The following CAPN3 variants were observed in gnomAD, a reference collection of about 807,000 sequenced individuals.
CAPN3 encodes calpain-3.
Under a neutral mutation model 114.0 loss-of-function variants are expected in CAPN3, and 88 were observed. That is an observed-to-expected ratio of 0.77 (90% CI 0.65 to 0.92). CAPN3 has a LOEUF of 0.92. Among genes scored for constraint, CAPN3 ranks in the 40% least tolerant of loss-of-function variants. CAPN3 has a pLI of 0.00. For missense variants in CAPN3, 1,028 were observed against 1,069.0 expected (o/e 0.96, Z 0.53); for synonymous variants, 386 against 382.9 (o/e 1.01, Z -0.09).
chr15:42,386,265 G>T lies in CAPN3; in HGVS notation c.478G>T (p.Ala160Ser), dbSNP rs749697583. The T allele has an allele frequency of 2.5e-6, 4 of 1,612,540 alleles. No homozygotes were observed. The highest frequency in any genetic ancestry group is 1.1e-5 in the South Asian group (1 of 91,024). ...TGATCAAAGTTTCATCGAAAACTAC[G>T]CAGGGATCTTCCACTTCCAGGTGAG... The part of the protein sequence containing the change: ...PHDQSFIENY[A>S]GIFHFQFWRY... The change falls in exon 3 of 24, where the codon GCA (alanine) becomes TCA (serine). Residue 160 changes from alanine to serine, a missense_variant. Physicochemically the swap from Ala to Ser is moderately conservative, Grantham distance 99. Transcript: ENST00000397163.
intron 1 of CAPN3, among the ~76,000 whole-genome samples, chr15:42,378,409 A>G (rs1262095327): frequency 2.0e-5 from 3 of 152,202 alleles, no homozygotes; most frequent in East Asian, 1.9e-4. Flanking sequence ...GCAAACCTCT[A>G]GGCCTTCCAA....
At chr15:42,403,875 G>A in intron 14 of CAPN3, 98 bp downstream of exon 14, 1 of 1,062,514 alleles carries the variant, frequency 9.4e-7, no homozygotes, top group Non-Finnish European at 1.5e-6. Context: ...CACTGGCAGA[G>A]GGAATGGGAG....
chr15:42,370,854 G>A (rs1380804901), intron 1 of CAPN3, among the ~76,000 whole-genome samples: 1 of 152,124 alleles, frequency 6.6e-6, no homozygotes, highest in African/African-American at 2.4e-5. Flanking sequence ...AAGGGTAGGA[G>A]CATAACACAA....
chr15:42,401,831 C>G, intron 11 of CAPN3, 21 bp downstream of exon 11: 3 of 1,606,962 alleles, frequency 1.9e-6, no homozygotes, highest in South Asian at 1.1e-5. Context: ...CTGATTGGCT[C>G]CAGCCCAGGA....
At chr15:42,402,571 G>C in intron 12 of CAPN3, 2 of 1,481,688 alleles carry the variant, frequency 1.3e-6, no homozygotes, top group Non-Finnish European at 1.8e-6. Flanking sequence ...AAGTGTCCCT[G>C]AGTGTGGGGA....
chr15:42,406,274 G>C (rs1447027100), intron 15 of CAPN3, among the ~76,000 whole-genome samples: 3 of 152,054 alleles, frequency 2.0e-5, no homozygotes, highest in African/African-American at 4.8e-5. Flanking sequence ...CACACAGCCA[G>C]AGAGGGGCAG....
At chr15:42,374,983 AAAAATTTATTTATTTATTTATTTATTT>A (rs1462568881) in intron 1 of CAPN3, among the ~76,000 whole-genome samples, 176 of 142,584 alleles carry the variant, frequency 1.2e-3, no homozygotes, top group African/African-American at 4.5e-3. Context: ...TTGTTTAAAT[AAAAATTTATTTATTTATTTATTTATTT>A]ATTTATTTAT....
intron 8 of CAPN3, among the ~76,000 whole-genome samples, chr15:42,396,289 C>A (rs28364464): frequency 6.7e-6 from 1 of 148,356 alleles, no homozygotes; most frequent in Admixed American, 6.7e-5. Context: ...GCCACCCAGG[C>A]TGGAGTGCAA....
intron 9 of CAPN3, among the ~76,000 whole-genome samples, chr15:42,398,749 GT>G (rs2053779661): frequency 7.9e-6 from 1 of 126,324 alleles, no homozygotes; most frequent in Admixed American, 7.8e-5. Context: ...GTTTAGCTAT[GT>G]TTGTCTTACT....
chr15:42,410,091 TG>T, intron 19 of CAPN3, 96 bp downstream of exon 19: 5 of 1,133,398 alleles, frequency 4.4e-6, no homozygotes, highest in Non-Finnish European at 6.7e-6. Context: ...GGCCCTAATT[TG>T]TGCCCAGGGA....
intron 3 of CAPN3, among the ~76,000 whole-genome samples, chr15:42,386,618 C>T (rs1306144031): frequency 6.6e-6 from 1 of 152,154 alleles, no homozygotes; most frequent in Non-Finnish European, 1.5e-5. Flanking sequence ...AGCACTGTGA[C>T]ACCACAGGAC....
At position 42,360,146 on chromosome 15, in the gene CAPN3, T is replaced by C. The variant is rs576780026; in HGVS notation, c.309+32T>C. 2,769 of 1,613,496 alleles carry C rather than the reference T, an allele frequency of 1.7e-3. 37 individuals are homozygous for C. In the African/African-American group the frequency reaches 0.029, roughly 17 times the overall value. Reference sequence around the variant, plus strand: ...AGCTTCCTGCTTGCTGGCTGGGTTTTCCCCCCACGGAGGAGTCCTCTCACT... The same window carrying C: ...AGCTTCCTGCTTGCTGGCTGGGTTTCCCCCCCACGGAGGAGTCCTCTCACT... On this transcript the variant is annotated intron_variant, in intron 1 of 23. Coordinates refer to ENST00000397163, the MANE Select transcript of CAPN3 (RefSeq NM_000070.3).
At position 42,409,504 on chromosome 15, in the gene CAPN3, G is replaced by T. The variant is rs943115642; in HGVS notation, c.1992+124G>T. 6.1e-5 allele frequency: 60 copies of T among 985,058 alleles called. No individual in the cohort carries two copies. The African/African-American group carries it at 9.1e-4, about 15-fold the overall frequency. The allele number at this position is 985,058 out of a possible 1,614,324, so 61.0% of individuals were successfully genotyped here. On this transcript the variant is annotated intron_variant, in intron 17 of 23. Coordinates refer to ENST00000397163, the MANE Select transcript of CAPN3 (RefSeq NM_000070.3). ...ACTTTGGACTTTGGTGGAGCCAGGG[G>T]ATGTGTGCGTAGCACACAAATCCAC...
intron 1 of CAPN3, among the ~76,000 whole-genome samples, chr15:42,377,316 G>A (rs1462498762): frequency 1.3e-5 from 2 of 152,116 alleles, no homozygotes; most frequent in East Asian, 3.8e-4. Context: ...TTTGAAAGTG[G>A]ATGATCGTTA....
At chr15:42,365,155 C>T (rs938954680) in intron 1 of CAPN3, among the ~76,000 whole-genome samples, 1 of 152,158 alleles carries the variant, frequency 6.6e-6, no homozygotes, top group Non-Finnish European at 1.5e-5. Flanking sequence ...CCCACCCTAA[C>T]CTAGAGCTTG....
At chr15:42,409,236 G>A in intron 16 of CAPN3, 67 bp from the exon 17 acceptor site, 1 of 1,510,786 alleles carries the variant, frequency 6.6e-7, no homozygotes, top group Non-Finnish European at 9.2e-7. Context: ...TTGGCCCAGA[G>A]GAGCTTGCCT....
intron 5 of CAPN3, 46 bp downstream of exon 5, chr15:42,389,142 G>T (rs748153166): frequency 1.1e-5 from 18 of 1,592,126 alleles, no homozygotes; most frequent in Non-Finnish European, 1.5e-5. Context: ...CCAAGTGTCA[G>T]GAAGCCTTTT....
At chr15:42,391,570 C>T (rs978798185) in intron 6 of CAPN3, among the ~76,000 whole-genome samples, 17 of 152,262 alleles carry the variant, frequency 1.1e-4, no homozygotes, top group African/African-American at 3.1e-4. Flanking sequence ...CTAGGAATTC[C>T]GCGGCCTAGC....
At chr15:42,360,189 C>G in intron 1 of CAPN3, 75 bp downstream of exon 1, 1 of 1,522,022 alleles carries the variant, frequency 6.6e-7, no homozygotes, top group South Asian at 1.1e-5. Context: ...TCCGGCAGCT[C>G]AGCTGTGCAC....
Sources: gnomAD v4.1 joint callset for allele counts (sites outside exome capture counted in the v4.1 genomes callset) on GRCh38, gnomAD v4.1.1 for gene constraint, MANE v1.5 for transcripts, NCBI Gene and HGNC (gene_info 2026-07-23, HGNC 2026-07-21) for gene names.